Variants in SPPL3 observed in about 807,000 individuals in gnomAD.
SPPL3 encodes signal peptide peptidase-like 3.
A neutral mutation model predicts 42.4 loss-of-function variants in SPPL3; 5 were observed. The ratio of observed to expected loss-of-function variants is 0.12; its 90% confidence interval spans 0.06 to 0.25. The LOEUF is 0.25. SPPL3 is among the 10% of genes least tolerant of loss of function. The pLI, the probability that SPPL3 is intolerant of heterozygous loss-of-function variation, is 1.00. For synonymous variants in SPPL3, 195 were observed against 181.8 expected, an observed-to-expected ratio of 1.07 and a Z score of -0.58; for missense variants, 235 against 489.0, an observed-to-expected ratio of 0.48 and a Z score of 4.90.
intron 1 of SPPL3, among the ~76,000 whole-genome samples, chr12:120,902,256 G>T (rs1934650290): frequency 6.6e-6 from 1 of 152,050 alleles, no homozygotes; most frequent in Admixed American, 6.6e-5. Flanking sequence ...TTCTTCTTGA[G>T]ATTGCACATA....
At chr12:120,841,242 T>G (rs1764122187) in intron 1 of SPPL3, among the ~76,000 whole-genome samples, 1 of 151,812 alleles carries the variant, frequency 6.6e-6, no homozygotes, top group Non-Finnish European at 1.5e-5. Flanking sequence ...GGAGAATCGG[T>G]TGAACCCGGG....
At chr12:120,773,796 G>GTTTC (rs1272677791) in intron 6 of SPPL3, among the ~76,000 whole-genome samples, 1 of 152,210 alleles carries the variant, frequency 6.6e-6, no homozygotes, top group African/African-American at 2.4e-5. Flanking sequence ...TAGAGATGGG[G>GTTTC]TTTCACCATA....
At chr12:120,883,717 G>GA (rs1873361576) in intron 1 of SPPL3, among the ~76,000 whole-genome samples, 1 of 151,936 alleles carries the variant, frequency 6.6e-6, no homozygotes, top group East Asian at 1.9e-4. Flanking sequence ...AATATTGACT[G>GA]AAAAAAACAA....
chr12:120,833,361 G>A (rs990358629), intron 1 of SPPL3, among the ~76,000 whole-genome samples: 3 of 152,166 alleles, frequency 2.0e-5, no homozygotes, highest in Non-Finnish European at 4.4e-5. Context: ...TTAAAAAGGA[G>A]ACAGCCTCGA....
At chr12:120,861,960 C>CCAAAATATTGTT (rs1872628635) in intron 1 of SPPL3, among the ~76,000 whole-genome samples, 1 of 152,104 alleles carries the variant, frequency 6.6e-6, no homozygotes, top group Non-Finnish European at 1.5e-5. Flanking sequence ...GAGCAACATA[C>CCAAAATATTGTT]TTGAAGGTAT....
intron 1 of SPPL3, among the ~76,000 whole-genome samples, chr12:120,896,751 A>AGC (rs1566072923): frequency 2.0e-5 from 3 of 151,460 alleles, no homozygotes; most frequent in Non-Finnish European, 2.9e-5. Flanking sequence ...TACACTCTAG[A>AGC]CTGGGTGACA....
At chr12:120,897,745 C>T (rs11065320) in intron 1 of SPPL3, among the ~76,000 whole-genome samples, 29,482 of 151,966 alleles carry the variant, frequency 0.19, 4,507 homozygotes, top group African/African-American at 0.41. Context: ...TAATAATGAG[C>T]AAATCTTCTA....
intron 10 of SPPL3, among the ~76,000 whole-genome samples, chr12:120,765,489 T>C (rs1868853731): frequency 1.3e-5 from 2 of 152,142 alleles, no homozygotes; most frequent in African/African-American, 4.8e-5. Flanking sequence ...GGTTTCACCA[T>C]ATTGGCCAGG....
At chr12:120,791,333 C>T in intron 3 of SPPL3, 136 bp downstream of exon 3, 1 of 572,682 alleles carries the variant, frequency 1.7e-6, no homozygotes, top group Non-Finnish European at 3.0e-6. Context: ...AAAATTCACT[C>T]ATTTTAAGTA....
intron 1 of SPPL3, among the ~76,000 whole-genome samples, chr12:120,852,700 T>TCA (rs1872274507): frequency 5.2e-5 from 1 of 19,408 alleles, no homozygotes; most frequent in African/African-American, 9.3e-5. Flanking sequence ...TATACATATT[T>TCA]TACATATATG....
At chr12:120,829,937 T>C (rs1453320689) in intron 1 of SPPL3, among the ~76,000 whole-genome samples, 1 of 149,126 alleles carries the variant, frequency 6.7e-6, no homozygotes, top group African/African-American at 2.5e-5. Flanking sequence ...GAGGTCGCAG[T>C]GAGCTGAGAT....
chr12:120,764,297 CATAT>C lies in SPPL3; in HGVS notation c.*698_*701del, dbSNP rs1868790668. The C allele has an allele frequency of 6.7e-6, 1 of 150,060 alleles. No individual in the cohort carries two copies. Among genetic ancestry groups the C allele is most frequent in the Non-Finnish European group, 1.5e-5 (1 of 67,998 alleles). The allele number at this position is 150,060 out of a possible 1,614,324, so 9.3% of individuals were successfully genotyped here. A position where few individuals can be genotyped will look rare whatever the true frequency, so the allele number is the denominator to read the frequency against. ...TAGCAGGATTTCATTTTTGTTTATT[CATAT>C]ATATCTATGTGTGTGTTTATATATA... On this transcript the variant is annotated 3_prime_UTR_variant, in exon 11 of 11. Transcript: ENST00000353487.
intron 4 of SPPL3, chr12:120,784,267 T>C (rs927903122): frequency 1.2e-5 from 5 of 400,742 alleles, no homozygotes; most frequent in African/African-American, 2.1e-5. Flanking sequence ...TCAGATTGTG[T>C]GGGCAGGTCT....
Position 120,791,573 on chromosome 12 carries a change from TTGTAG to T in SPPL3, c.102-21_102-17del. On this transcript the variant is annotated splice_polypyrimidine_tract_variant and intron_variant, in intron 2 of 10. Transcript: ENST00000353487. Reference sequence around the variant, plus strand: ...ATTAAGGGACCTGTGGAAAAAAATTTTGTAGTTAAGTTGTAGTTTTGCTTACAAAA... The same window carrying T: ...ATTAAGGGACCTGTGGAAAAAAATTTTTAAGTTGTAGTTTTGCTTACAAAA... The T allele has an allele frequency of 6.4e-7, 1 of 1,570,764 alleles. No individual in the cohort carries two copies. Among genetic ancestry groups the T allele is most frequent in the Non-Finnish European group, 8.6e-7 (1 of 1,157,352 alleles).
intron 1 of SPPL3, among the ~76,000 whole-genome samples, chr12:120,830,229 T>C (rs1646265986): frequency 9.4e-6 from 1 of 106,434 alleles, no homozygotes; most frequent in Non-Finnish European, 1.9e-5. Flanking sequence ...CAAAGATGAC[T>C]ACGACCAAGC....
chr12:120,818,234 A>G (rs1433945201), intron 1 of SPPL3, among the ~76,000 whole-genome samples: 1 of 152,230 alleles, frequency 6.6e-6, no homozygotes, highest in Non-Finnish European at 1.5e-5. Flanking sequence ...CATGCATTTG[A>G]GACACACCAA....
At chr12:120,784,346 G>C in intron 4 of SPPL3, 128 bp downstream of exon 4, 1 of 997,488 alleles carries the variant, frequency 1.0e-6, no homozygotes, top group Non-Finnish European at 1.4e-6. Flanking sequence ...AGACGGAGAA[G>C]GCGAAGCCAA....
intron 7 of SPPL3, 29 bp from the exon 8 acceptor site, chr12:120,768,517 G>A (rs1416337917): frequency 6.3e-7 from 1 of 1,593,284 alleles, no homozygotes; most frequent in Non-Finnish European, 8.6e-7. Flanking sequence ...GCCTTTAACA[G>A]AGGGAGTTGG....
chr12:120,841,169 T>G (rs1256609935), intron 1 of SPPL3, among the ~76,000 whole-genome samples: 1 of 151,618 alleles, frequency 6.6e-6, no homozygotes, highest in Non-Finnish European at 1.5e-5. Context: ...CTACTAAAAA[T>G]ACAAAATTAG....
Sources: gnomAD v4.1 joint callset for allele counts (sites outside exome capture counted in the v4.1 genomes callset) on GRCh38, gnomAD v4.1.1 for gene constraint, MANE v1.5 for transcripts, NCBI Gene and HGNC (gene_info 2026-07-23, HGNC 2026-07-21) for gene names.